The following RIC1 variants were observed in gnomAD, a reference collection of about 807,000 sequenced individuals.
RIC1 encodes the protein guanine nucleotide exchange factor subunit RIC1.
In RIC1, 88 loss-of-function variants were observed where a neutral mutation model predicts 169.0. The observed-to-expected ratio is 0.52, with a 90% CI of 0.44 to 0.62. The LOEUF is 0.62. Ranked by LOEUF, RIC1 falls within the 20% of genes least tolerant of loss-of-function variation. The probability of loss-of-function intolerance (pLI) is 0.00; values close to 1 mark genes in which losing one functional copy is unlikely to be tolerated. For missense variants in RIC1, 1,877 were observed against 1,725.5 expected, an observed-to-expected ratio of 1.09 and a Z score of -1.56; for synonymous variants, 790 against 601.5, an observed-to-expected ratio of 1.31 and a Z score of -4.59.
In RIC1 at chr9:5,770,161, A is replaced by G. The variant is rs936151177; in HGVS notation, c.3499A>G (p.Ile1167Val). The change falls in exon 23 of 26, where the codon ATC becomes GTC. Residue 1167 changes from isoleucine to valine, a missense_variant. Ile to Val is a conservative substitution (Grantham distance 29). Coordinates refer to ENST00000414202, the MANE Select transcript of RIC1 (RefSeq NM_020829.4). ...TGAGATGGATGCTGGCATCTCCAAC[A>G]TCCAGCGAAGTCAGAGCTGGCTCAG... The part of the protein sequence containing the change: ...NLEMDAGISN[I>V]QRSQSWLSNI... The G allele has an allele frequency of 1.2e-6, 2 of 1,613,964 alleles. No individual in the cohort carries two copies. Among genetic ancestry groups the G allele is most frequent in the Non-Finnish European group, 1.7e-6 (2 of 1,179,914 alleles).
In RIC1 at chr9:5,775,064, C is replaced by T. The variant is rs1210618824; in HGVS notation, c.*818C>T. 4 of 152,190 alleles carry T rather than the reference C, an allele frequency of 2.6e-5. No homozygotes were observed. The highest frequency in any genetic ancestry group is 4.4e-5 in the Non-Finnish European group (3 of 68,042). The allele number at this position is 152,190 out of a possible 1,614,324, so 9.4% of individuals were successfully genotyped here. ...TTTAATGCTGGATTCTGCATGTCTA[C>T]ACATACAAAGACAGGGCTTGCTCCT... On this transcript the variant is annotated 3_prime_UTR_variant, in exon 26 of 26. Transcript: ENST00000414202.
chr9:5,639,750 A>G (rs940446219), intron 1 of RIC1, among the ~76,000 whole-genome samples: 8 of 152,154 alleles, frequency 5.3e-5, no homozygotes, highest in South Asian at 2.1e-4. Flanking sequence ...TTTGCTTTGT[A>G]TATCTGGGTG....
intron 7 of RIC1, among the ~76,000 whole-genome samples, chr9:5,734,172 T>C (rs1824551957): frequency 6.6e-6 from 1 of 151,726 alleles, no homozygotes. Context: ...AAGAGCGTGA[T>C]CTTGGCTCAC....
chr9:5,759,146 A>G (rs1323848688), intron 17 of RIC1, among the ~76,000 whole-genome samples: 1 of 152,202 alleles, frequency 6.6e-6, no homozygotes, highest in African/African-American at 2.4e-5. Flanking sequence ...CTAATTGATA[A>G]GGGAATATAC....
intron 1 of RIC1, among the ~76,000 whole-genome samples, chr9:5,648,147 T>C (rs1818624921): frequency 6.6e-6 from 1 of 152,036 alleles, no homozygotes; most frequent in Non-Finnish European, 1.5e-5. Flanking sequence ...CATACCCGAC[T>C]AATTTCTTGT....
intron 1 of RIC1, among the ~76,000 whole-genome samples, chr9:5,648,233 C>T (rs1456880071): frequency 6.6e-6 from 1 of 152,128 alleles, no homozygotes; most frequent in African/African-American, 2.4e-5. Flanking sequence ...ATCCACCTGT[C>T]TCGGCCTCCT....
At chr9:5,749,814 T>C (rs1647336741) in intron 12 of RIC1, among the ~76,000 whole-genome samples, 2 of 144,578 alleles carry the variant, frequency 1.4e-5, no homozygotes, top group African/African-American at 5.3e-5. Context: ...TTTTGTTCTT[T>C]GTTGCCCAGG....
intron 2 of RIC1, among the ~76,000 whole-genome samples, chr9:5,686,799 A>C (rs1821270213): frequency 6.6e-6 from 1 of 152,016 alleles, no homozygotes; most frequent in Non-Finnish European, 1.5e-5. Context: ...AGAATATGTT[A>C]ATGAGGGATC....
At chr9:5,739,092 G>C (rs1824911334) in intron 8 of RIC1, among the ~76,000 whole-genome samples, 1 of 152,132 alleles carries the variant, frequency 6.6e-6, no homozygotes, top group African/African-American at 2.4e-5. Context: ...TTGTAAATCT[G>C]TTTTGCAAGG....
chr9:5,711,917 A>G (rs1367947411), intron 3 of RIC1, among the ~76,000 whole-genome samples: 1 of 152,094 alleles, frequency 6.6e-6, no homozygotes, highest in African/African-American at 2.4e-5. Flanking sequence ...ATCCTTTTAT[A>G]TGGCTGCATA....
rs1317256628 is a variant in RIC1, at chr9:5,757,426, G to C, written c.1967G>C (p.Gly656Ala). ...CTGACATCAGTGAGTACAGAGAATG[G>C]AATCACCTTGAAAATGCCACAGCAG... ...VTLTSVSTEN[G>A]ITLKMPQQAR... The change falls in exon 17 of 26, where the codon GGA becomes GCA. Residue 656 changes from glycine to alanine, a missense_variant. Around this residue, in one of 3 missense-constraint regions of RIC1, gnomAD observed 1,104 missense variants for 992.0 expected, o/e 1.11. Coordinates refer to ENST00000414202, the MANE Select transcript of RIC1 (RefSeq NM_020829.4). The C allele has an allele frequency of 6.2e-7, 1 of 1,613,922 alleles. No homozygotes were observed. The highest frequency in any genetic ancestry group is 1.1e-5 in the South Asian group (1 of 91,062).
chr9:5,636,969 T>C (rs1818000758), intron 1 of RIC1, among the ~76,000 whole-genome samples: 1 of 152,212 alleles, frequency 6.6e-6, no homozygotes, highest in Admixed American at 6.5e-5. Flanking sequence ...TTTAAGGTAT[T>C]TGTCATACGT....
intron 4 of RIC1, among the ~76,000 whole-genome samples, chr9:5,715,514 G>A (rs1823180139): frequency 6.6e-6 from 1 of 152,068 alleles, no homozygotes; most frequent in African/African-American, 2.4e-5. Context: ...CATAACTGCT[G>A]GAAATTTGAA....
chr9:5,643,580 C>T (rs373424769), intron 1 of RIC1, among the ~76,000 whole-genome samples: 1 of 148,724 alleles, frequency 6.7e-6, no homozygotes. Flanking sequence ...GGGCAATTAG[C>T]CCTTTTTATG....
chr9:5,724,487 C>A (rs529877836), intron 6 of RIC1, among the ~76,000 whole-genome samples: 1 of 152,328 alleles, frequency 6.6e-6, no homozygotes, highest in African/African-American at 2.4e-5. Flanking sequence ...TCTAGATATA[C>A]AATCATGTCA....
intron 1 of RIC1, among the ~76,000 whole-genome samples, chr9:5,633,691 C>T (rs1463558504): frequency 6.6e-6 from 1 of 152,092 alleles, no homozygotes; most frequent in Non-Finnish European, 1.5e-5. Context: ...ATTAACAGAT[C>T]CACCATCTCA....
intron 19 of RIC1, among the ~76,000 whole-genome samples, chr9:5,764,242 T>C (rs1433092202): frequency 2.0e-5 from 3 of 152,210 alleles, no homozygotes; most frequent in African/African-American, 7.2e-5. Flanking sequence ...TTATTTGAGA[T>C]ATTAGTGAGT....
At chr9:5,674,452 T>C (rs1334675584) in intron 2 of RIC1, among the ~76,000 whole-genome samples, 1 of 151,934 alleles carries the variant, frequency 6.6e-6, no homozygotes, top group East Asian at 1.9e-4. Flanking sequence ...TATCTTAACA[T>C]CTCCACAAAG....
At chr9:5,713,353 A>T (rs1823049170) in intron 3 of RIC1, 1 of 152,394 alleles carries the variant, frequency 6.6e-6, no homozygotes, top group Non-Finnish European at 1.5e-5. Context: ...GATGCCAGGG[A>T]TTTAAAATTT....
Sources: gnomAD v4.1 joint callset for allele counts (sites outside exome capture counted in the v4.1 genomes callset) on GRCh38, gnomAD v4.1.1 for gene constraint, gnomAD v4.1.1 regional missense constraint, MANE v1.5 for transcripts, NCBI Gene and HGNC (gene_info 2026-07-23, HGNC 2026-07-21) for gene names.